DNAAF4: variants seen among roughly 807,000 people sequenced by gnomAD.
DNAAF4 encodes the protein dynein assembly factor 4, axonemal.
In DNAAF4, 43 loss-of-function variants were observed where a neutral mutation model predicts 51.8. The ratio of observed to expected loss-of-function variants is 0.83; its 90% CI spans 0.65 to 1.07. The LOEUF is 1.07. DNAAF4 is among the 50% of genes least tolerant of loss of function. DNAAF4 has a pLI of 0.00. For synonymous variants in DNAAF4, 194 were observed against 165.6 expected, an observed-to-expected ratio of 1.17 and a Z score of -1.32; for missense variants, 581 against 493.0, an observed-to-expected ratio of 1.18 and a Z score of -1.69.
At chr15:55,502,218 T>C (rs548661500) in intron 1 of DNAAF4, among the ~76,000 whole-genome samples, 57 of 152,098 alleles carry the variant, frequency 3.7e-4, no homozygotes, top group Non-Finnish European at 6.6e-4. Context: ...GTAAGACAGT[T>C]TTAGAATTTA....
At chr15:55,438,118 C>A (rs919264150) in intron 7 of DNAAF4, among the ~76,000 whole-genome samples, 9 of 152,118 alleles carry the variant, frequency 5.9e-5, no homozygotes, top group Admixed American at 5.9e-4. Flanking sequence ...CACCCGTAAT[C>A]CCAGCACTTT....
downstream of DNAAF4, among the ~76,000 whole-genome samples, chr15:55,426,548 G>A (rs1322355816): frequency 6.6e-6 from 1 of 152,154 alleles, no homozygotes; most frequent in Admixed American, 6.6e-5. Context: ...TCCTGCCTCA[G>A]ACTCCTGAGT....
chr15:55,443,331 G>A (rs1479710543), intron 6 of DNAAF4: 40 of 1,024,836 alleles, frequency 3.9e-5, no homozygotes, highest in Non-Finnish European at 5.5e-5. Context: ...CCAGCGTGCG[G>A]AGGCGCCTGG....
chr15:55,465,966 T>C (rs1035231703), intron 5 of DNAAF4, among the ~76,000 whole-genome samples: 1 of 152,086 alleles, frequency 6.6e-6, no homozygotes, highest in Admixed American at 6.6e-5. Context: ...GGGTGAGGGA[T>C]AAAAGACTAC....
At chr15:55,437,591 A>ATAAG (rs1454492632) in intron 7 of DNAAF4, among the ~76,000 whole-genome samples, 3 of 152,136 alleles carry the variant, frequency 2.0e-5, no homozygotes, top group Non-Finnish European at 4.4e-5. Context: ...GCACATGTGA[A>ATAAG]TAAGTTAAAG....
intron 4 of DNAAF4, among the ~76,000 whole-genome samples, chr15:55,468,329 T>G (rs1183504928): frequency 6.6e-6 from 1 of 152,202 alleles, no homozygotes; most frequent in Non-Finnish European, 1.5e-5. Flanking sequence ...ATTATTTTCC[T>G]GTGAGATGCT....
intron 4 of DNAAF4, among the ~76,000 whole-genome samples, chr15:55,477,311 T>A (rs2058348872): frequency 6.6e-6 from 1 of 152,140 alleles, no homozygotes; most frequent in South Asian, 2.1e-4. Flanking sequence ...GAAAATAAAC[T>A]TTTTAAAAAG....
intron 6 of DNAAF4, chr15:55,442,871 C>CATCA: frequency 6.2e-7 from 1 of 1,612,494 alleles, no homozygotes; most frequent in Non-Finnish European, 8.5e-7. Context: ...CCAACAGTAG[C>CATCA]ATCAATCATG....
chr15:55,476,602 T>C (rs766969000), intron 4 of DNAAF4, among the ~76,000 whole-genome samples: 1 of 152,156 alleles, frequency 6.6e-6, no homozygotes, highest in African/African-American at 2.4e-5. Context: ...TACGTTTTAA[T>C]AGAACATGAT....
intron 4 of DNAAF4, among the ~76,000 whole-genome samples, chr15:55,490,741 C>T (rs565824651): frequency 6.6e-6 from 1 of 152,204 alleles, no homozygotes; most frequent in East Asian, 1.9e-4. Flanking sequence ...ATCACGAGGT[C>T]AGGAGATCGA....
intron 6 of DNAAF4, chr15:55,443,083 T>C: frequency 6.2e-7 from 1 of 1,610,830 alleles, no homozygotes. Context: ...AAAATGGGTT[T>C]TAAAGTCTTG....
intron 5 of DNAAF4, among the ~76,000 whole-genome samples, chr15:55,462,351 C>A (rs2058105182): frequency 6.6e-6 from 1 of 152,090 alleles, no homozygotes; most frequent in South Asian, 2.1e-4. Flanking sequence ...TGCCACCACA[C>A]CCTGCTAATT....
At chr15:55,439,990 T>C (rs1004132833) in intron 6 of DNAAF4, among the ~76,000 whole-genome samples, 2 of 152,190 alleles carry the variant, frequency 1.3e-5, no homozygotes, top group African/African-American at 4.8e-5. Context: ...TGACTGTTTA[T>C]TGTTTAAGCC....
intron 7 of DNAAF4, among the ~76,000 whole-genome samples, chr15:55,420,910 C>T (rs563863780): frequency 5.3e-5 from 8 of 152,164 alleles, no homozygotes; most frequent in Non-Finnish European, 7.4e-5. Context: ...CAGGATTGGC[C>T]GGGCACGGTG....
In DNAAF4 at chr15:55,498,345, A is replaced by T. The variant is rs750648506; in HGVS notation, c.-16T>A. On this transcript the variant is annotated 5_prime_UTR_variant, in exon 2 of 10. Transcript: ENST00000321149. ...GAAGAGGCATTCCGGTAGCAACGGG[A>T]GCGGATAGCGCGGCTGGTTGCTTCT... 6.3e-7 allele frequency: 1 copy of T among 1,597,202 alleles called. No homozygotes were observed. Among genetic ancestry groups the T allele is most frequent in the Non-Finnish European group, 8.6e-7 (1 of 1,169,240 alleles).
At chr15:55,458,018 G>GGACA (rs2058044570) in intron 5 of DNAAF4, among the ~76,000 whole-genome samples, 1 of 152,072 alleles carries the variant, frequency 6.6e-6, no homozygotes, top group Admixed American at 6.6e-5. Context: ...AACACCCATG[G>GGACA]GACAGAAGAA....
chr15:55,471,041 G>C (rs1219724779), intron 4 of DNAAF4, among the ~76,000 whole-genome samples: 2 of 145,594 alleles, frequency 1.4e-5, no homozygotes, highest in Non-Finnish European at 3.0e-5. Flanking sequence ...GTTGTTTTTA[G>C]AGTCAGGGTC....
At chr15:55,502,028 A>G (rs1048552617) in intron 1 of DNAAF4, among the ~76,000 whole-genome samples, 4 of 151,738 alleles carry the variant, frequency 2.6e-5, no homozygotes, top group African/African-American at 9.7e-5. Context: ...AGGCAACAAG[A>G]GCAAGACTCT....
intron 8 of DNAAF4, among the ~76,000 whole-genome samples, chr15:55,433,553 G>GA (rs58887668): frequency 0.02 from 3,013 of 147,838 alleles, 97 homozygotes; most frequent in African/African-American, 0.069. Flanking sequence ...GTGAACCGGG[G>GA]AGGCGGAGCT....
Sources: gnomAD v4.1 joint callset for allele counts (sites outside exome capture counted in the v4.1 genomes callset) on GRCh38, gnomAD v4.1.1 for gene constraint, MANE v1.5 for transcripts, NCBI Gene and HGNC (gene_info 2026-07-23, HGNC 2026-07-21) for gene names.